The following COL4A6 variants were observed in gnomAD, a reference collection of about 807,000 sequenced individuals.
The protein encoded by COL4A6 is collagen type IV alpha 6 chain.
COL4A6 carries 59 observed loss-of-function variants against 126.7 expected under a neutral mutation model. The ratio of observed to expected loss-of-function variants is 0.47; its 90% CI spans 0.38 to 0.58. The LOEUF (loss-of-function observed/expected upper bound fraction) is 0.58. COL4A6 is among the 20% of genes least tolerant of loss of function. The pLI is 0.00. For missense variants in COL4A6, 1,285 were observed against 1,337.3 expected, an observed-to-expected ratio of 0.96 and a Z score of 0.61; for synonymous variants, 547 against 496.6, an observed-to-expected ratio of 1.10 and a Z score of -1.35.
chrX:108,159,430 C>T, intron 44 of COL4A6, 32 bp downstream of exon 44: 1 of 1,207,780 alleles, frequency 8.3e-7, no homozygotes, highest in Non-Finnish European at 1.1e-6. Context: ...CCTTTGCCTC[C>T]AACTGGGGGA....
At chrX:108,181,792 C>T (rs1482441503) in intron 23 of COL4A6, among the ~76,000 whole-genome samples, 1 of 111,946 alleles carries the variant, frequency 8.9e-6, no homozygotes, top group Non-Finnish European at 1.9e-5. Flanking sequence ...TACTGGTGAA[C>T]AAATTGTTTG....
intron 3 of COL4A6, among the ~76,000 whole-genome samples, chrX:108,247,930 T>C (rs1187468384): frequency 1.8e-5 from 2 of 111,531 alleles, no homozygotes; most frequent in East Asian, 5.7e-4. Flanking sequence ...CCCACTCCTT[T>C]CCTTGAAATT....
chrX:108,325,451 T>C (rs1178368145), intron 2 of COL4A6, among the ~76,000 whole-genome samples: 1 of 111,609 alleles, frequency 9.0e-6, no homozygotes, highest in Non-Finnish European at 1.9e-5. Context: ...ATTAAAGAAA[T>C]TGAATTTGCA....
Position 108,157,252 on chromosome X carries a change from G to A in COL4A6, c.4821C>T (p.Ala1607=), listed in dbSNP as rs1240349309. ...WIGYSFLMHT[A]AGAEGGGQSL... ...ACTGGCCTCCACCCTCGGCACCAGCGGCAGTGTGCTGAAACAGACAGGAGA... is the reference window on the plus strand; with the variant it reads ...ACTGGCCTCCACCCTCGGCACCAGCAGCAGTGTGCTGAAACAGACAGGAGA... Residue 1607 remains alanine (A), a synonymous_variant, in exon 45 of 45, where the codon GCC becomes GCT. Coordinates refer to ENST00000334504, the MANE Select transcript of COL4A6 (RefSeq NM_033641.4). 1.7e-6 allele frequency: 2 copies of A among 1,209,968 alleles called. No homozygotes were observed. Among genetic ancestry groups the A allele is most frequent in the Non-Finnish European group, 2.2e-6 (2 of 894,441 alleles).
chrX:108,261,429 T>C (rs1028409047), intron 3 of COL4A6, among the ~76,000 whole-genome samples: 2 of 111,336 alleles, frequency 1.8e-5, no homozygotes, highest in African/African-American at 6.5e-5. Flanking sequence ...GTCTTAAAAA[T>C]TTGAATTCAT....
chrX:108,318,597 C>T (rs1166615482), intron 2 of COL4A6, among the ~76,000 whole-genome samples: 1 of 111,409 alleles, frequency 9.0e-6, no homozygotes, highest in African/African-American at 3.3e-5. Context: ...AACAGAGAGA[C>T]AAATCATGAG....
rs560904514 is a variant in COL4A6, at chrX:108,298,160, T to A, written c.144+12588A>T. ...GAGTCTAGCGCTCTCCCTTTCTTCA[T>A]GAGGTAAATACTTTTGTTGGGGGGA... On this transcript the variant is annotated intron_variant, in intron 3 of 44. Transcript: ENST00000334504. Among the ~76,000 whole-genome samples, 23 of 111,561 alleles carry A rather than the reference T, an allele frequency of 2.1e-4. No individual in the cohort carries two copies. The South Asian group carries it at 8.9e-3, about 43-fold the overall frequency.
intron 2 of COL4A6, among the ~76,000 whole-genome samples, chrX:108,426,242 C>A (rs1294686799): frequency 1.8e-5 from 2 of 111,575 alleles, no homozygotes; most frequent in African/African-American, 6.5e-5. Context: ...ATATAACTAA[C>A]ATTAATTCCC....
intron 37 of COL4A6, among the ~76,000 whole-genome samples, chrX:108,167,510 A>G (rs2034165563): frequency 9.1e-6 from 1 of 110,392 alleles, no homozygotes; most frequent in African/African-American, 3.3e-5. Context: ...TAATTTTTGT[A>G]TTTTTTGTAG....
intron 3 of COL4A6, among the ~76,000 whole-genome samples, chrX:108,308,622 G>A (rs778034042): frequency 1.8e-5 from 2 of 112,072 alleles, no homozygotes; most frequent in South Asian, 7.5e-4. Flanking sequence ...TTAAACTCAG[G>A]GAATTAGAAT....
At chrX:108,273,481 G>A (rs1056089504) in intron 3 of COL4A6, among the ~76,000 whole-genome samples, 12 of 111,520 alleles carry the variant, frequency 1.1e-4, no homozygotes, top group Admixed American at 7.6e-4. Context: ...CCATTACTGG[G>A]TATATACCCA....
chrX:108,289,242 A>AGTGTGTGTGTGTGTGTGT (rs34639525), intron 3 of COL4A6, among the ~76,000 whole-genome samples: 4 of 91,329 alleles, frequency 4.4e-5, no homozygotes, highest in Non-Finnish European at 8.6e-5. Flanking sequence ...CAATGAGTAT[A>AGTGTGTGTGTGTGTGTGT]GTGTGTGTGT....
At chrX:108,379,084 C>G (rs1220126471) in intron 2 of COL4A6, among the ~76,000 whole-genome samples, 2 of 111,794 alleles carry the variant, frequency 1.8e-5, no homozygotes, top group Non-Finnish European at 3.8e-5. Context: ...TATTAAACTC[C>G]CAATATTTTG....
intron 2 of COL4A6, among the ~76,000 whole-genome samples, chrX:108,317,743 T>C (rs954493748): frequency 9.0e-6 from 1 of 111,474 alleles, no homozygotes; most frequent in Non-Finnish European, 1.9e-5. Flanking sequence ...GTTGTAGATA[T>C]GTGGCGTTAT....
chrX:108,295,502 C>T (rs2038297535), intron 3 of COL4A6, among the ~76,000 whole-genome samples: 1 of 112,674 alleles, frequency 8.9e-6, no homozygotes, highest in African/African-American at 3.2e-5. Context: ...TGAAAAAATG[C>T]TGTTTTGAAA....
chrX:108,192,333 C>A, intron 18 of COL4A6, 140 bp downstream of exon 18: 1 of 429,005 alleles, frequency 2.3e-6, no homozygotes, highest in Non-Finnish European at 4.1e-6. Context: ...GGCTGGCAGT[C>A]GGGAACCTAC....
At position 108,171,453 on chromosome X, in the gene COL4A6, C is replaced by T. The variant is rs750974065; in HGVS notation, c.3211G>A (p.Gly1071Ser). ...SGLPGLKGDN[G>S]QTVEISGSPG... ...CTACCGGAAATTTCAACTGTCTGGC[C>T]GTTGTCTCCTGAGGATTCCAATACA... The change falls in exon 33 of 45, where the codon GGC becomes AGC. Residue 1071 changes from glycine (G) to serine (S), a missense_variant. Gly to Ser is a moderately conservative substitution (Grantham distance 56). Coordinates refer to ENST00000334504, the MANE Select transcript of COL4A6 (RefSeq NM_033641.4). 19 of 1,205,941 alleles carry T rather than the reference C, an allele frequency of 1.6e-5. No individual in the cohort carries two copies. In the South Asian group the frequency reaches 2.5e-4, roughly 16 times the overall value.
intron 24 of COL4A6, 70 bp from the exon 25 acceptor site, chrX:108,180,692 G>T: frequency 1.1e-6 from 1 of 896,778 alleles, no homozygotes; most frequent in Non-Finnish European, 1.6e-6. Context: ...GTGATGTTCA[G>T]TCAAGAATCC....
intron 3 of COL4A6, among the ~76,000 whole-genome samples, chrX:108,310,387 C>A (rs1322148062): frequency 1.8e-5 from 2 of 112,119 alleles, no homozygotes; most frequent in African/African-American, 6.5e-5. Context: ...ACAATTGGAA[C>A]ACCTGTTCCC....
Sources: gnomAD v4.1 joint callset for allele counts (sites outside exome capture counted in the v4.1 genomes callset) on GRCh38, gnomAD v4.1.1 for gene constraint, MANE v1.5 for transcripts, NCBI Gene and HGNC (gene_info 2026-07-23, HGNC 2026-07-21) for gene names.